DRC4: variants seen among roughly 807,000 people sequenced by gnomAD.
DRC4 encodes dynein regulatory complex subunit 4.
the DRC4 span, chr16:90,044,494 GC>G: frequency 2.1e-6 from 1 of 471,126 alleles, no homozygotes; most frequent in East Asian, 6.9e-5. Flanking sequence ...GCCCACTGGG[GC>G]TCTCACCTCC....
chr16:90,022,591 C>A, the DRC4 span: 1 of 1,086,114 alleles, frequency 9.2e-7, no homozygotes, highest in Non-Finnish European at 1.2e-6. Context: ...GGCAGGGCCG[C>A]TGCCCGGCGG....
At chr16:90,038,048 C>A in the DRC4 span, among the ~76,000 whole-genome samples, 1 of 152,200 alleles carries the variant, frequency 6.6e-6, no homozygotes, top group East Asian at 1.9e-4. Context: ...AGCTGGAGGC[C>A]CTGTTCCCTG....
the DRC4 span, chr16:90,032,943 C>T: frequency 6.2e-7 from 1 of 1,604,458 alleles, no homozygotes; most frequent in Non-Finnish European, 8.5e-7. Context: ...GGCGGGGGCA[C>T]CTGGAGGCTG....
the DRC4 span, chr16:90,036,688 C>T: frequency 4.2e-6 from 4 of 960,418 alleles, no homozygotes. Context: ...CCCCAACACA[C>T]CCAGTACTTT....
chr16:90,036,872 G>A, the DRC4 span: 4 of 587,638 alleles, frequency 6.8e-6, no homozygotes, highest in East Asian at 6.1e-5. Context: ...ACCGCAGTGA[G>A]GGCCGTGATG....
the DRC4 span, among the ~76,000 whole-genome samples, chr16:90,026,524 C>T: frequency 2.0e-5 from 3 of 152,184 alleles, no homozygotes; most frequent in Non-Finnish European, 4.4e-5. Context: ...CCTAAGCTTA[C>T]TGAATGGTGT....
chr16:90,043,041 T>C, the DRC4 span: 9 of 802,796 alleles, frequency 1.1e-5, no homozygotes, highest in Non-Finnish European at 1.7e-5. Context: ...TGAAGGTGCT[T>C]GGAGCTGTGT....
the DRC4 span, chr16:90,019,970 G>A: frequency 2.9e-6 from 2 of 698,250 alleles, no homozygotes; most frequent in Non-Finnish European, 5.2e-6. The surrounding 1 kb of genome is among the most constrained non-coding windows in gnomAD (Gnocchi z 6.1). Context: ...GGTAAGGAGA[G>A]GGCGGCGGGC....
chr16:90,034,231 C>T, the DRC4 span, among the ~76,000 whole-genome samples: 2 of 152,166 alleles, frequency 1.3e-5, no homozygotes, highest in South Asian at 4.1e-4. Context: ...GCAGCAAAGC[C>T]TGAGAGTGCC....
At chr16:90,027,605 A>G in the DRC4 span, 2 of 1,604,192 alleles carry the variant, frequency 1.2e-6, no homozygotes, top group Non-Finnish European at 1.7e-6. Flanking sequence ...AAGCTGTTAG[A>G]GTCTCTCTTA....
chr16:90,032,489 G>A, the DRC4 span, among the ~76,000 whole-genome samples: 23 of 142,828 alleles, frequency 1.6e-4, no homozygotes, highest in Middle Eastern at 7.6e-3. Context: ...AGGTGTGTAC[G>A]GGTACGGACA....
the DRC4 span, chr16:90,043,730 G>C: frequency 4.1e-6 from 2 of 482,132 alleles, 1 homozygote; most frequent in South Asian, 3.1e-5. Context: ...TGCAGGTGCT[G>C]GCACTAACTT....
the DRC4 span, chr16:90,029,527 C>G: frequency 8.4e-6 from 3 of 357,514 alleles, no homozygotes; most frequent in Non-Finnish European, 1.1e-5. Flanking sequence ...CCAGGAGCCT[C>G]TAAAGGTCTG....
At chr16:90,025,507 G>A in the DRC4 span, among the ~76,000 whole-genome samples, 28 of 150,756 alleles carry the variant, frequency 1.9e-4, no homozygotes, top group East Asian at 1.2e-3. Context: ...AAAATTAGCC[G>A]GACGTGGTGG....
the DRC4 span, chr16:90,027,630 C>A: frequency 6.2e-7 from 1 of 1,614,054 alleles, no homozygotes; most frequent in African/African-American, 1.3e-5. Context: ...ATTATTTCCA[C>A]CAAAGGCACC....
At chr16:90,025,713 G>A in the DRC4 span, among the ~76,000 whole-genome samples, 2 of 141,022 alleles carry the variant, frequency 1.4e-5, no homozygotes, top group Admixed American at 7.2e-5. Context: ...GTGAAACCTC[G>A]TCTCTACTAA....
chr16:90,034,161 G>T, the DRC4 span, among the ~76,000 whole-genome samples: 1 of 152,162 alleles, frequency 6.6e-6, no homozygotes, highest in Non-Finnish European at 1.5e-5. Flanking sequence ...TTTGCCTCAC[G>T]CCTGGAAGCA....
chr16:90,031,743 A>ACTT, the DRC4 span, among the ~76,000 whole-genome samples: 1 of 152,170 alleles, frequency 6.6e-6, no homozygotes, highest in Admixed American at 6.5e-5. Context: ...CAGCTCTGCC[A>ACTT]CTTAATACCC....
chr16:90,034,028 G>T, the DRC4 span, among the ~76,000 whole-genome samples: 6 of 152,020 alleles, frequency 3.9e-5, no homozygotes, highest in African/African-American at 1.4e-4. Context: ...CTCGAAAGCC[G>T]TGGTGGGGAC....
Sources: gnomAD v4.1 joint callset for allele counts (sites outside exome capture counted in the v4.1 genomes callset) on GRCh38, gnomAD v4.1.1 for gene constraint, Gnocchi (gnomAD v3.1) non-coding constraint, MANE v1.5 for transcripts, NCBI Gene and HGNC (gene_info 2026-07-23, HGNC 2026-07-21) for gene names.